NKD1: variants seen among roughly 807,000 people sequenced by gnomAD.
NKD1 encodes the protein NKD inhibitor of Wnt signaling pathway 1, also known as protein naked cuticle homolog 1.
NKD1 carries 21 observed loss-of-function variants against 56.0 expected under a neutral mutation model. The ratio of observed to expected loss-of-function variants is 0.38; its 90% CI spans 0.27 to 0.54. The LOEUF is 0.54. NKD1 is among the 20% of genes least tolerant of loss of function. The probability of loss-of-function intolerance (pLI) is 0.82; values close to 1 mark genes in which losing one functional copy is unlikely to be tolerated. For missense variants in NKD1, 578 were observed against 642.7 expected, an observed-to-expected ratio of 0.90 and a Z score of 1.09; for synonymous variants, 263 against 265.7, an observed-to-expected ratio of 0.99 and a Z score of 0.10.
chr16:50,586,565 T>C (rs1273930744), intron 3 of NKD1, among the ~76,000 whole-genome samples: 1 of 152,136 alleles, frequency 6.6e-6, no homozygotes, highest in Non-Finnish European at 1.5e-5. Flanking sequence ...CCACAGAGGT[T>C]TCCTAGTATG....
intron 3 of NKD1, among the ~76,000 whole-genome samples, chr16:50,562,991 C>G (rs556476880): frequency 5.6e-5 from 7 of 125,516 alleles, no homozygotes; most frequent in East Asian, 2.2e-4. Context: ...CCACCACCCC[C>G]CCCCCCCGCC....
intron 3 of NKD1, chr16:50,558,783 C>T (rs986481283): frequency 1.3e-5 from 2 of 151,296 alleles, no homozygotes; most frequent in African/African-American, 2.4e-5. Context: ...GTGGCAGGCA[C>T]CTGTAATCCC....
intron 4 of NKD1, among the ~76,000 whole-genome samples, chr16:50,612,953 G>A (rs1326438635): frequency 6.6e-6 from 1 of 152,126 alleles, no homozygotes; most frequent in Non-Finnish European, 1.5e-5. Context: ...GGAGGTGACT[G>A]CAGGGTCGCA....
chr16:50,581,747 G>A (rs904224980), intron 3 of NKD1, among the ~76,000 whole-genome samples: 2 of 152,226 alleles, frequency 1.3e-5, no homozygotes, highest in African/African-American at 4.8e-5. Context: ...GATCCAGGAT[G>A]ATGAGGTGCT....
At chr16:50,589,727 CTCTTCTCTTCTCTTCTCTT>C in intron 3 of NKD1, among the ~76,000 whole-genome samples, 1 of 85,082 alleles carries the variant, frequency 1.2e-5, no homozygotes, top group Admixed American at 1.5e-4. Flanking sequence ...CTCTTCTCTT[CTCTTCTCTTCTCTTCTCTT>C]CTCTTCTCTT....
At chr16:50,604,636 T>C (rs1330618629) in intron 3 of NKD1, among the ~76,000 whole-genome samples, 1 of 152,172 alleles carries the variant, frequency 6.6e-6, no homozygotes, top group Non-Finnish European at 1.5e-5. Context: ...AGAGATAAAG[T>C]TCCTTCCCCA....
At chr16:50,606,804 C>T (rs778430358) in intron 3 of NKD1, 27 of 456,708 alleles carry the variant, frequency 5.9e-5, no homozygotes, top group Middle Eastern at 6.5e-4. Context: ...CCTGTTCCCT[C>T]GGGGAAGCTC....
At chr16:50,613,252 C>T (rs2151276761) in intron 4 of NKD1, among the ~76,000 whole-genome samples, 1 of 152,170 alleles carries the variant, frequency 6.6e-6, no homozygotes, top group South Asian at 2.1e-4. Flanking sequence ...GTGATTGGAG[C>T]TTGGGGTTCA....
intron 4 of NKD1, among the ~76,000 whole-genome samples, chr16:50,618,029 A>G (rs1014893831): frequency 2.0e-5 from 3 of 152,224 alleles, no homozygotes; most frequent in Admixed American, 6.5e-5. Flanking sequence ...CTGTGTCCCA[A>G]TAAAACTTTA....
rs1331784639 is a variant in NKD1 at position 50,636,753 on chromosome 16, T to C, written c.*2972T>C. 1 of 152,234 alleles carries C rather than the reference T, an allele frequency of 6.6e-6. No homozygotes were observed. Among genetic ancestry groups the C allele is most frequent in the East Asian group, 1.9e-4 (1 of 5,208 alleles). 9.4% of individuals were successfully genotyped at this position (152,234 alleles called of 1,614,324 possible). On this transcript the variant is annotated 3_prime_UTR_variant, in exon 10 of 10. Coordinates refer to ENST00000268459, the MANE Select transcript of NKD1 (RefSeq NM_033119.5). Reference sequence around the variant, plus strand: ...CTTCCCATATGCATTTTGTTAATTTTTAAAGTATTTCAAACACAAAGTTTG... The same window carrying C: ...CTTCCCATATGCATTTTGTTAATTTCTAAAGTATTTCAAACACAAAGTTTG...
intron 8 of NKD1, 152 bp downstream of exon 8, chr16:50,631,062 T>A: frequency 3.5e-6 from 2 of 572,158 alleles, no homozygotes; most frequent in Non-Finnish European, 6.1e-6. Context: ...ATGAAAATCT[T>A]AACAAATAAC....
At chr16:50,591,655 A>G (rs937338132) in intron 3 of NKD1, among the ~76,000 whole-genome samples, 6 of 152,182 alleles carry the variant, frequency 3.9e-5, no homozygotes, top group Non-Finnish European at 5.9e-5. Context: ...ATTTTTCCCT[A>G]CCATAACCAT....
chr16:50,601,988 G>T (rs62032077), intron 3 of NKD1, among the ~76,000 whole-genome samples: 6 of 152,202 alleles, frequency 3.9e-5, no homozygotes, highest in Non-Finnish European at 5.9e-5. Flanking sequence ...TGCCTGCCAT[G>T]CCCTCTTTCC....
At chr16:50,607,771 A>T (rs1039010644) in intron 3 of NKD1, 3 of 156,356 alleles carry the variant, frequency 1.9e-5, no homozygotes, top group East Asian at 1.8e-4. Flanking sequence ...ACCAATAAAT[A>T]CAGAAGACAG....
intron 3 of NKD1, among the ~76,000 whole-genome samples, chr16:50,597,326 C>A (rs765457227): frequency 3.9e-5 from 6 of 151,968 alleles, no homozygotes; most frequent in Non-Finnish European, 8.8e-5. Context: ...CGCCAGGCGT[C>A]CGGTTTGGAC....
intron 3 of NKD1, among the ~76,000 whole-genome samples, chr16:50,561,435 T>G (rs17291318): frequency 0.02 from 3,026 of 152,046 alleles, 47 homozygotes; most frequent in Middle Eastern, 0.034. Flanking sequence ...CTTGATCACT[T>G]TGTGACTTGC....
intron 4 of NKD1, chr16:50,616,145 G>A: frequency 2.2e-6 from 1 of 449,302 alleles, no homozygotes; most frequent in South Asian, 1.6e-5. Flanking sequence ...ATTGAGAAAG[G>A]ACTGTGGATA....
chr16:50,574,159 T>C (rs1240362056), intron 3 of NKD1: 1 of 953,132 alleles, frequency 1.0e-6, no homozygotes, highest in Non-Finnish European at 1.2e-6. Context: ...TGGATCCAAA[T>C]GCAGGACTGC....
At chr16:50,599,973 A>G (rs1445632765) in intron 3 of NKD1, among the ~76,000 whole-genome samples, 1 of 152,008 alleles carries the variant, frequency 6.6e-6, no homozygotes, top group African/African-American at 2.4e-5. Context: ...ATGAGTCTTC[A>G]AGGAGGGTGG....
Sources: gnomAD v4.1 joint callset for allele counts (sites outside exome capture counted in the v4.1 genomes callset) on GRCh38, gnomAD v4.1.1 for gene constraint, MANE v1.5 for transcripts, NCBI Gene and HGNC (gene_info 2026-07-23, HGNC 2026-07-21) for gene names.